NRXN3: variants seen among roughly 807,000 people sequenced by gnomAD.
The protein encoded by NRXN3 is neurexin 3.
In NRXN3, 32 loss-of-function variants were observed where a neutral mutation model predicts 137.6. The observed-to-expected ratio is 0.23, with a 90% CI of 0.18 to 0.31. NRXN3 has a LOEUF of 0.31. Among genes scored for constraint, NRXN3 ranks in the 10% least tolerant of loss-of-function variants. The pLI is 1.00. For missense variants in NRXN3, 1,574 were observed against 2,062.5 expected (o/e 0.76, Z 4.59); for synonymous variants, 798 against 784.5 (o/e 1.02, Z -0.29).
chr14:78,456,810 T>TTTC (rs1229146593), intron 4 of NRXN3, among the ~76,000 whole-genome samples: 2 of 114,474 alleles, frequency 1.7e-5, no homozygotes, highest in African/African-American at 5.8e-5. Flanking sequence ...TCTTTCTTTC[T>TTTC]TTCTTTCTTT....
intron 15 of NRXN3, among the ~76,000 whole-genome samples, chr14:79,180,030 C>G (rs1202447690): frequency 6.6e-6 from 1 of 152,174 alleles, no homozygotes; most frequent in Non-Finnish European, 1.5e-5. Context: ...TCTTTCTCTT[C>G]TAGTAAAATG....
chr14:79,508,069 C>G (rs1601406329), intron 16 of NRXN3, among the ~76,000 whole-genome samples: 1 of 152,014 alleles, frequency 6.6e-6, no homozygotes, highest in Non-Finnish European at 1.5e-5. Flanking sequence ...TATTTGGGCT[C>G]TATTTTGGGC....
At chr14:78,682,202 A>G (rs909545584) in intron 6 of NRXN3, among the ~76,000 whole-genome samples, 1 of 151,968 alleles carries the variant, frequency 6.6e-6, no homozygotes, top group African/African-American at 2.4e-5. Flanking sequence ...CCAGTGCTGA[A>G]AATTGGGCTG....
intron 19 of NRXN3, among the ~76,000 whole-genome samples, chr14:79,797,685 G>A (rs1315631270): frequency 6.6e-6 from 1 of 152,196 alleles, no homozygotes; most frequent in African/African-American, 2.4e-5. Context: ...ACACTGTGAG[G>A]TTGTTTCTGT....
At chr14:79,362,513 C>G (rs899406166) in intron 15 of NRXN3, among the ~76,000 whole-genome samples, 2 of 151,984 alleles carry the variant, frequency 1.3e-5, no homozygotes, top group Admixed American at 1.3e-4. Context: ...ATGTTAAATT[C>G]TGCAGGAAAA....
At chr14:78,541,489 CTGTT>C (rs1388470965) in intron 4 of NRXN3, among the ~76,000 whole-genome samples, 2 of 152,158 alleles carry the variant, frequency 1.3e-5, no homozygotes, top group African/African-American at 2.4e-5. Context: ...TCTTCTCTCA[CTGTT>C]TGTTCTAGTT....
At chr14:78,234,825 T>C (rs958070873) in intron 1 of NRXN3, among the ~76,000 whole-genome samples, 1 of 151,946 alleles carries the variant, frequency 6.6e-6, no homozygotes, top group African/African-American at 2.4e-5. Flanking sequence ...AACTTTCTTT[T>C]CATTCACTAT....
intron 1 of NRXN3, among the ~76,000 whole-genome samples, chr14:78,227,063 C>T (rs1488685760): frequency 6.6e-6 from 1 of 152,190 alleles, no homozygotes; most frequent in Non-Finnish European, 1.5e-5. Context: ...GAGAAGGATT[C>T]TGAAGCTCCC....
At chr14:79,483,376 T>C (rs1050365779) in intron 16 of NRXN3, among the ~76,000 whole-genome samples, 2 of 152,238 alleles carry the variant, frequency 1.3e-5, no homozygotes, top group African/African-American at 4.8e-5. Context: ...ATATTCTGCC[T>C]GTGTTTCCAT....
chr14:79,440,082 A>G (rs2095908590), intron 15 of NRXN3, among the ~76,000 whole-genome samples: 2 of 152,140 alleles, frequency 1.3e-5, no homozygotes, highest in South Asian at 4.1e-4. Context: ...TTCATAAAAT[A>G]TTTTTTTGGG....
chr14:78,659,400 T>G (rs1307065464), intron 6 of NRXN3, among the ~76,000 whole-genome samples: 1 of 152,128 alleles, frequency 6.6e-6, no homozygotes, highest in African/African-American at 2.4e-5. Context: ...CATTTTTGGC[T>G]GGGCATGGTA....
At chr14:79,027,395 A>C (rs1302355257) in intron 15 of NRXN3, among the ~76,000 whole-genome samples, 1 of 152,106 alleles carries the variant, frequency 6.6e-6, no homozygotes, top group African/African-American at 2.4e-5. Flanking sequence ...TTAAATGACT[A>C]TCTTTATGAA....
intron 8 of NRXN3, among the ~76,000 whole-genome samples, chr14:78,776,034 T>C (rs1374622599): frequency 5.3e-5 from 8 of 152,192 alleles, no homozygotes; most frequent in Non-Finnish European, 1.2e-4. Context: ...CAAGAACCAA[T>C]GTTATATATG....
At chr14:78,917,778 C>T (rs2099259505) in intron 10 of NRXN3, among the ~76,000 whole-genome samples, 1 of 152,048 alleles carries the variant, frequency 6.6e-6, no homozygotes, top group Admixed American at 6.5e-5. Flanking sequence ...CTCATCCGCT[C>T]TTCAGAAATC....
chr14:78,814,032 T>TGG (rs1777248819), intron 10 of NRXN3, among the ~76,000 whole-genome samples: 1 of 152,216 alleles, frequency 6.6e-6, no homozygotes, highest in South Asian at 2.1e-4. Context: ...TATTCATTAT[T>TGG]ATTCATTACA....
chr14:78,198,822 C>A lies in NRXN3; in HGVS notation c.-704+28148C>A, dbSNP rs1362821561. Among the ~76,000 whole-genome samples, 5 of 152,140 alleles carry A rather than the reference C, an allele frequency of 3.3e-5. No individual in the cohort carries two copies. In the East Asian group the frequency reaches 9.6e-4, roughly 29 times the overall value. ...GTAAGATTTTGAGTTGTGTTTCCTT[C>A]CAGAGAGCATTCAGTCAAACCTCAG... On this transcript the variant is annotated intron_variant, in intron 1 of 20. Transcript: ENST00000335750.
intron 1 of NRXN3, among the ~76,000 whole-genome samples, chr14:78,221,017 T>C (rs17754783): frequency 0.12 from 18,623 of 152,052 alleles, 1,260 homozygotes; most frequent in Middle Eastern, 0.15. Context: ...CAGAACCATA[T>C]TGTAGTTGCA....
intron 6 of NRXN3, among the ~76,000 whole-genome samples, chr14:78,668,879 G>A (rs1039842351): frequency 1.6e-4 from 24 of 152,216 alleles, no homozygotes; most frequent in African/African-American, 5.1e-4. Flanking sequence ...ATAGTTAAAT[G>A]GCAGGCAAAA....
chr14:78,671,028 C>T (rs1422524944), intron 6 of NRXN3, among the ~76,000 whole-genome samples: 1 of 152,110 alleles, frequency 6.6e-6, no homozygotes, highest in Non-Finnish European at 1.5e-5. Flanking sequence ...TAAGAAACCA[C>T]ATCAAAAGGA....
Sources: allele counts gnomAD v4.1 joint callset (sites outside exome capture counted in the v4.1 genomes callset), GRCh38; gene constraint gnomAD v4.1.1; transcripts MANE v1.5; gene names NCBI Gene and HGNC (gene_info 2026-07-23, HGNC 2026-07-21).